MAN1A2: variants seen among roughly 807,000 people sequenced by gnomAD.
The protein encoded by MAN1A2 is mannosidase alpha class 1A member 2.
Under a neutral mutation model 75.7 loss-of-function variants are expected in MAN1A2, and 26 were observed. The ratio of observed to expected loss-of-function variants is 0.34; its 90% CI spans 0.25 to 0.48. The LOEUF (loss-of-function observed/expected upper bound fraction) is 0.48. Among genes scored for constraint, MAN1A2 ranks in the 20% least tolerant of loss-of-function variants. The pLI is 0.99. For missense variants in MAN1A2, 562 were observed against 775.5 expected, an observed-to-expected ratio of 0.72 and a Z score of 3.27; for synonymous variants, 247 against 264.6, an observed-to-expected ratio of 0.93 and a Z score of 0.65.
At chr1:117,449,524 A>G (rs1043329731) in intron 6 of MAN1A2, among the ~76,000 whole-genome samples, 2 of 149,346 alleles carry the variant, frequency 1.3e-5, no homozygotes, top group African/African-American at 5.0e-5. Flanking sequence ...CTGCCACTGC[A>G]CTCCAGCCTG....
At chr1:117,507,546 A>G (rs1240604530) in intron 12 of MAN1A2, among the ~76,000 whole-genome samples, 2 of 151,660 alleles carry the variant, frequency 1.3e-5, no homozygotes, top group Non-Finnish European at 3.0e-5. Flanking sequence ...ATTGAGATTG[A>G]GGAGGACAGA....
Position 117,500,065 on chromosome 1 carries a change from T to A in MAN1A2, c.1677+511T>A, listed in dbSNP as rs143699867. On this transcript the variant is annotated intron_variant, in intron 11 of 12. Transcript: ENST00000356554. ...AGGACATCCCAAATGAGGTCAGTAG[T>A]GCTGGTAAATTGCCCAGACAGGAAT... Among the ~76,000 whole-genome samples the A allele has an allele frequency of 2.6e-5, 4 of 151,982 alleles. No individual in the cohort carries two copies. The East Asian group carries it at 7.8e-4, about 30-fold the overall frequency.
chr1:117,459,421 GT>G (rs1175832883), intron 6 of MAN1A2, among the ~76,000 whole-genome samples: 4 of 152,124 alleles, frequency 2.6e-5, no homozygotes, highest in African/African-American at 9.7e-5. Flanking sequence ...GGAAACAGAG[GT>G]TAGGCTGCTT....
chr1:117,498,668 A>C (rs1368409713), intron 10 of MAN1A2, among the ~76,000 whole-genome samples: 1 of 151,920 alleles, frequency 6.6e-6, no homozygotes, highest in Non-Finnish European at 1.5e-5. Flanking sequence ...AAACCAAAAA[A>C]TGATTATTTG....
Position 117,449,843 on chromosome 1 carries a change from C to T in MAN1A2, c.950+7518C>T, listed in dbSNP as rs1039034093. On this transcript the variant is annotated intron_variant, in intron 6 of 12. Coordinates refer to ENST00000356554, the MANE Select transcript of MAN1A2 (RefSeq NM_006699.5). ...GCCAAAGCCTAATGCAGAGGAAGGC[C>T]CTAACTCTCTTCACGTCTGTGAATG... 3.9e-5 allele frequency among the ~76,000 whole-genome samples: 6 copies of T among 152,124 alleles called. No homozygotes were observed. The East Asian group carries it at 1.2e-3, about 29-fold the overall frequency.
intron 12 of MAN1A2, among the ~76,000 whole-genome samples, chr1:117,508,649 A>G (rs1487101528): frequency 2.6e-5 from 4 of 151,742 alleles, no homozygotes; most frequent in Non-Finnish European, 4.4e-5. Context: ...TATTTGTTCA[A>G]TAATAGCTGA....
chr1:117,503,041 TACA>T, intron 12 of MAN1A2, 71 bp downstream of exon 12: 1 of 732,662 alleles, frequency 1.4e-6, no homozygotes. Context: ...GATGATGAAT[TACA>T]ACTATGTGAC....
At chr1:117,422,041 A>G (rs1648217546) in intron 5 of MAN1A2, among the ~76,000 whole-genome samples, 1 of 152,024 alleles carries the variant, frequency 6.6e-6, no homozygotes, top group African/African-American at 2.4e-5. Flanking sequence ...TTGTGAATTA[A>G]TTGTTATTTT....
intron 5 of MAN1A2, among the ~76,000 whole-genome samples, chr1:117,434,776 TG>T (rs1648797227): frequency 6.6e-6 from 1 of 151,462 alleles, no homozygotes; most frequent in Non-Finnish European, 1.5e-5. Flanking sequence ...TGTGTGTGTG[TG>T]TGTGTGTGTG....
intron 1 of MAN1A2, 133 bp from the exon 2 acceptor site, chr1:117,402,053 A>T (rs1350886754): frequency 1.2e-6 from 1 of 848,334 alleles, no homozygotes; most frequent in East Asian, 2.7e-5. Context: ...CTCACTGATA[A>T]TTCTTTCCTT....
chr1:117,464,435 A>G (rs1371607815), intron 7 of MAN1A2, among the ~76,000 whole-genome samples: 1 of 152,108 alleles, frequency 6.6e-6, no homozygotes, highest in Non-Finnish European at 1.5e-5. Flanking sequence ...AACACCAAAT[A>G]GGAAGAAAAG....
intron 1 of MAN1A2, among the ~76,000 whole-genome samples, chr1:117,395,356 C>T (rs1653871366): frequency 6.6e-6 from 1 of 152,124 alleles, no homozygotes; most frequent in African/African-American, 2.4e-5. Context: ...CTCCTTGACC[C>T]TGAACAAACT....
chr1:117,464,314 G>A (rs886178164), intron 7 of MAN1A2, among the ~76,000 whole-genome samples: 2 of 144,522 alleles, frequency 1.4e-5, no homozygotes, highest in South Asian at 2.2e-4. Flanking sequence ...AACTGAGATC[G>A]AGCCATTGCA....
At chr1:117,434,381 T>A (rs1342098735) in intron 5 of MAN1A2, among the ~76,000 whole-genome samples, 1 of 152,214 alleles carries the variant, frequency 6.6e-6, no homozygotes, top group African/African-American at 2.4e-5. Flanking sequence ...AAATGTGTGA[T>A]AAATTGTTAG....
chr1:117,505,566 CAA>C (rs997788251), intron 12 of MAN1A2, among the ~76,000 whole-genome samples: 1 of 151,004 alleles, frequency 6.6e-6, no homozygotes, highest in African/African-American at 2.4e-5. Context: ...AAAGGTCAAA[CAA>C]AAAGAAACAT....
chr1:117,494,341 T>C (rs1246673142), intron 9 of MAN1A2: 2 of 152,062 alleles, frequency 1.3e-5, no homozygotes, highest in Non-Finnish European at 2.9e-5. Context: ...GTTTAGCAGG[T>C]TATTAGCTTC....
intron 1 of MAN1A2, among the ~76,000 whole-genome samples, chr1:117,397,647 T>TCCC (rs1557933650): frequency 1.6e-4 from 20 of 121,508 alleles, no homozygotes; most frequent in African/African-American, 5.2e-4. Flanking sequence ...ATAACCCCCT[T>TCCC]TTTTTTTTTT....
intron 2 of MAN1A2, among the ~76,000 whole-genome samples, chr1:117,403,193 A>T (rs1047014824): frequency 6.6e-6 from 1 of 152,240 alleles, no homozygotes; most frequent in Non-Finnish European, 1.5e-5. Flanking sequence ...ATTATTATAA[A>T]GTAAGATAAA....
intron 12 of MAN1A2, among the ~76,000 whole-genome samples, chr1:117,519,106 C>G (rs774713649): frequency 2.6e-5 from 4 of 151,896 alleles, no homozygotes; most frequent in Non-Finnish European, 2.9e-5. Flanking sequence ...AAAACGAAAT[C>G]AAGATGAAAA....
Sources: gnomAD v4.1 joint callset for allele counts (sites outside exome capture counted in the v4.1 genomes callset) on GRCh38, gnomAD v4.1.1 for gene constraint, MANE v1.5 for transcripts, NCBI Gene and HGNC (gene_info 2026-07-23, HGNC 2026-07-21) for gene names.